Variants in HCN1 observed in about 807,000 individuals in gnomAD.
HCN1 encodes hyperpolarization activated cyclic nucleotide gated potassium channel 1.
A neutral mutation model predicts 78.9 loss-of-function variants in HCN1; 13 were observed. That is an observed-to-expected ratio of 0.16 (90% confidence interval 0.11 to 0.26). The LOEUF (loss-of-function observed/expected upper bound fraction) is 0.26, where lower values mean the gene tolerates loss of function less well. Ranked by LOEUF, HCN1 falls within the 10% of genes least tolerant of loss-of-function variation. The pLI, the probability that HCN1 is intolerant of heterozygous loss-of-function variation, is 1.00. For missense variants in HCN1, 810 were observed against 1,154.3 expected, an observed-to-expected ratio of 0.70 and a Z score of 4.32; for synonymous variants, 552 against 455.5, an observed-to-expected ratio of 1.21 and a Z score of -2.70.
chr5:45,373,993 A>AATATATATTATATACATAATATATATT (rs1227870781), intron 4 of HCN1, among the ~76,000 whole-genome samples: 315 of 81,528 alleles, frequency 3.9e-3, no homozygotes, highest in African/African-American at 5.7e-3. Flanking sequence ...TAATATATAT[A>AATATATATTATATACATAATATATATT]ATATATATTA....
intron 5 of HCN1, among the ~76,000 whole-genome samples, chr5:45,327,404 C>G (rs1459755458): frequency 1.3e-5 from 2 of 151,498 alleles, no homozygotes; most frequent in Non-Finnish European, 3.0e-5. Context: ...TTATAGAATC[C>G]ACATAAATTA....
intron 2 of HCN1, among the ~76,000 whole-genome samples, chr5:45,484,912 T>C (rs1229664576): frequency 1.3e-5 from 2 of 152,102 alleles, no homozygotes; most frequent in Admixed American, 6.6e-5. Flanking sequence ...GGCACAGAAA[T>C]CTTTAGAAAG....
At chr5:45,544,225 T>A (rs1449601278) in intron 2 of HCN1, among the ~76,000 whole-genome samples, 2 of 152,078 alleles carry the variant, frequency 1.3e-5, no homozygotes, top group Non-Finnish European at 2.9e-5. Context: ...TATGTACAGA[T>A]TATTAAATAT....
chr5:45,595,557 T>C (rs1744473117), intron 2 of HCN1, among the ~76,000 whole-genome samples: 2 of 152,202 alleles, frequency 1.3e-5, no homozygotes, highest in African/African-American at 4.8e-5. Flanking sequence ...AAATATGTTT[T>C]ATTTCTTGGT....
chr5:45,444,185 GCT>G (rs1740737836), intron 3 of HCN1, among the ~76,000 whole-genome samples: 2 of 152,070 alleles, frequency 1.3e-5, no homozygotes, highest in Non-Finnish European at 2.9e-5. Flanking sequence ...ATATCTAAAT[GCT>G]CTGTCAAATA....
chr5:45,568,946 T>C (rs1002908798), intron 2 of HCN1, among the ~76,000 whole-genome samples: 1 of 152,010 alleles, frequency 6.6e-6, no homozygotes, highest in Admixed American at 6.6e-5. Context: ...AAACCGAAAT[T>C]CCCCTTACCC....
intron 1 of HCN1, among the ~76,000 whole-genome samples, chr5:45,665,355 G>A (rs956735514): frequency 2.7e-5 from 4 of 149,522 alleles, no homozygotes; most frequent in Middle Eastern, 3.4e-3. Flanking sequence ...GCTAAATGAC[G>A]AGTTAATGGG....
At chr5:45,273,866 T>C (rs1046737971) in intron 6 of HCN1, among the ~76,000 whole-genome samples, 5 of 152,166 alleles carry the variant, frequency 3.3e-5, no homozygotes, top group African/African-American at 1.2e-4. Context: ...TGCCTCTGTA[T>C]GGCACAGGAA....
At chr5:45,442,536 T>C (rs1013849929) in intron 3 of HCN1, among the ~76,000 whole-genome samples, 11 of 151,104 alleles carry the variant, frequency 7.3e-5, no homozygotes, top group African/African-American at 2.2e-4. Context: ...AAAACGTGCA[T>C]ATGCATATCT....
chr5:45,322,828 A>G (rs1746149879), intron 5 of HCN1, among the ~76,000 whole-genome samples: 1 of 151,776 alleles, frequency 6.6e-6, no homozygotes, highest in East Asian at 1.9e-4. Flanking sequence ...GATAAACCAA[A>G]TGAGTCTCAA....
At chr5:45,596,038 G>C (rs139443644) in intron 2 of HCN1, among the ~76,000 whole-genome samples, 10,875 of 151,860 alleles carry the variant, frequency 0.072, 566 homozygotes, top group Middle Eastern at 0.15. Context: ...TGGGACTACA[G>C]GGGACCACAA....
intron 2 of HCN1, among the ~76,000 whole-genome samples, chr5:45,495,870 G>T (rs1281837994): frequency 2.6e-5 from 4 of 152,068 alleles, no homozygotes; most frequent in East Asian, 3.9e-4. Context: ...ATGTGGTTTT[G>T]GTCTTTGGTT....
intron 4 of HCN1, among the ~76,000 whole-genome samples, chr5:45,370,926 C>A (rs1185064933): frequency 1.3e-5 from 2 of 152,064 alleles, no homozygotes; most frequent in East Asian, 3.9e-4. Context: ...TACTGATTCT[C>A]CATAAATATG....
At chr5:45,597,267 C>T (rs1014638104) in intron 2 of HCN1, among the ~76,000 whole-genome samples, 18 of 152,128 alleles carry the variant, frequency 1.2e-4, no homozygotes, top group African/African-American at 2.9e-4. Flanking sequence ...GTTCAACTTA[C>T]GCAAATCAAT....
At chr5:45,393,274 A>C (rs1184004101) in intron 4 of HCN1, among the ~76,000 whole-genome samples, 1 of 152,182 alleles carries the variant, frequency 6.6e-6, no homozygotes, top group African/African-American at 2.4e-5. Context: ...TGCTCATTGC[A>C]GAGGAAGAAG....
intron 2 of HCN1, among the ~76,000 whole-genome samples, chr5:45,525,026 C>T (rs1269449948): frequency 3.9e-5 from 6 of 151,932 alleles, no homozygotes; most frequent in African/African-American, 7.3e-5. Flanking sequence ...TTTTGAGATA[C>T]GTCCCATCAA....
chr5:45,437,739 A>C (rs185738532), intron 3 of HCN1, among the ~76,000 whole-genome samples: 7 of 152,220 alleles, frequency 4.6e-5, no homozygotes, highest in Non-Finnish European at 1.0e-4. Context: ...ACAATTATCT[A>C]TTGCTGTATA....
At chr5:45,407,363 A>G (rs1739945581) in intron 3 of HCN1, among the ~76,000 whole-genome samples, 1 of 152,178 alleles carries the variant, frequency 6.6e-6, no homozygotes, top group Admixed American at 6.5e-5. Flanking sequence ...TGTATGGTAT[A>G]TAATACTTGA....
At chr5:45,514,330 C>G (rs1260523905) in intron 2 of HCN1, among the ~76,000 whole-genome samples, 1 of 152,050 alleles carries the variant, frequency 6.6e-6, no homozygotes, top group Non-Finnish European at 1.5e-5. Context: ...CACAATCATC[C>G]CTTATGTGAA....
Sources: gnomAD v4.1 joint callset for allele counts (sites outside exome capture counted in the v4.1 genomes callset) on GRCh38, gnomAD v4.1.1 for gene constraint, MANE v1.5 for transcripts, NCBI Gene and HGNC (gene_info 2026-07-23, HGNC 2026-07-21) for gene names.